Variants in MCFD2 observed in about 807,000 individuals in gnomAD.
The protein encoded by MCFD2 is multiple coagulation factor deficiency protein 2.
MCFD2 carries 11 observed loss-of-function variants against 12.8 expected under a neutral mutation model. That is an observed-to-expected ratio of 0.86 (90% CI 0.54 to 1.42). MCFD2 has a LOEUF of 1.42. MCFD2 is among the 40% of genes most tolerant of loss of function. The pLI is 0.00. For synonymous variants in MCFD2, 70 were observed against 68.1 expected, an observed-to-expected ratio of 1.03 and a Z score of -0.14; for missense variants, 191 against 178.6, an observed-to-expected ratio of 1.07 and a Z score of -0.40.
chr2:46,916,653 T>C (rs1668806551), upstream of MCFD2: 2 of 157,692 alleles, frequency 1.3e-5, no homozygotes, highest in South Asian at 3.7e-4. Context: ...TTGTTTTGTT[T>C]TGAGACGGAG....
intron 1 of MCFD2, among the ~76,000 whole-genome samples, chr2:46,933,694 A>G (rs1292247330): frequency 6.6e-6 from 1 of 152,244 alleles, no homozygotes; most frequent in Non-Finnish European, 1.5e-5. Flanking sequence ...ATGACTACAT[A>G]AAGTTGGGAA....
At chr2:46,925,460 A>AGGTT (rs1444022953) in intron 1 of MCFD2, among the ~76,000 whole-genome samples, 2 of 152,182 alleles carry the variant, frequency 1.3e-5, no homozygotes, top group Non-Finnish European at 2.9e-5. Context: ...TGGGAGGCTG[A>AGGTT]GGCAGGAGAA....
intron 1 of MCFD2, among the ~76,000 whole-genome samples, chr2:46,926,522 G>A (rs899074779): frequency 2.0e-5 from 3 of 152,200 alleles, no homozygotes; most frequent in African/African-American, 4.8e-5. Context: ...GAATAGATGA[G>A]CCTTCTCATG....
At chr2:46,920,128 A>T (rs1466705655), upstream of MCFD2, among the ~76,000 whole-genome samples, 1 of 152,140 alleles carries the variant, frequency 6.6e-6, no homozygotes, top group Non-Finnish European at 1.5e-5. Flanking sequence ...TCCTAATGAA[A>T]AGTCTGACTG....
rs1351339543 is a variant in MCFD2, at chr2:46,907,350, G to C, written c.309+460C>G. On this transcript the variant is annotated intron_variant, in intron 3 of 3. Transcript: ENST00000319466. This position sits in a 1 kb window ranked among gnomAD's most constrained non-coding sequence, Gnocchi z 4.1. ...GTTGGACAGAAAGAGGCAGAACACA[G>C]AAGAGAAAGAAGCAGCAGCACCTTT... 1 of 206,254 alleles carries C rather than the reference G, an allele frequency of 4.8e-6. No homozygotes were observed. Among genetic ancestry groups the C allele is most frequent in the African/African-American group, 2.4e-5 (1 of 42,480 alleles). The allele number at this position is 206,254 out of a possible 1,614,324, so 12.8% of individuals were successfully genotyped here.
intron 1 of MCFD2, among the ~76,000 whole-genome samples, chr2:46,923,277 C>A (rs778920379): frequency 6.6e-6 from 1 of 152,240 alleles, no homozygotes; most frequent in Non-Finnish European, 1.5e-5. Context: ...GCCCCTCTCT[C>A]CTCCCTGGAG....
At chr2:46,911,349 A>C (rs895191005) in intron 1 of MCFD2, among the ~76,000 whole-genome samples, 5 of 151,614 alleles carry the variant, frequency 3.3e-5, no homozygotes, top group Non-Finnish European at 7.4e-5. Flanking sequence ...GCTGATCTCG[A>C]ACTCCAGACC....
rs1461767960 is a variant in MCFD2, at chr2:46,903,960, G to C, written c.*1503C>G. 1 of 152,174 alleles carries C rather than the reference G, an allele frequency of 6.6e-6. No homozygotes were observed. The highest frequency in any genetic ancestry group is 2.1e-4 in the South Asian group (1 of 4,830). The allele number at this position is 152,174 out of a possible 1,614,324, so 9.4% of individuals were successfully genotyped here. A position where few individuals can be genotyped will look rare whatever the true frequency, so the allele number is the denominator to read the frequency against. ...AATGTCTCCAGGCCATGTCAGGGCA[G>C]CCCCTGACATGTGTGTGCAGCCTAG... is the stretch of plus-strand genomic sequence containing the variant. On this transcript the variant is annotated 3_prime_UTR_variant, in exon 4 of 4. Coordinates refer to ENST00000319466, the MANE Select transcript of MCFD2 (RefSeq NM_139279.6).
chr2:46,915,831 C>T, upstream of MCFD2: 1 of 646,750 alleles, frequency 1.5e-6, no homozygotes, highest in Non-Finnish European at 1.9e-6. Context: ...CCCCCCCGAC[C>T]TGCCCTGCGC....
intron 1 of MCFD2, among the ~76,000 whole-genome samples, chr2:46,930,210 T>G (rs1669619000): frequency 6.6e-6 from 1 of 152,146 alleles, no homozygotes; most frequent in Non-Finnish European, 1.5e-5. Context: ...AGAGGATCAT[T>G]ATAAACAAAA....
At chr2:46,905,698 A>T (rs1264084929) in intron 3 of MCFD2, 104 bp from the exon 4 acceptor site, 1 of 778,862 alleles carries the variant, frequency 1.3e-6, no homozygotes, top group Non-Finnish European at 1.8e-6. Context: ...TGTTTATTAA[A>T]AAAAAAAAAA....
At position 46,904,291 on chromosome 2, in the gene MCFD2, G is replaced by C. The variant is rs1668128669; in HGVS notation, c.*1172C>G. 1 of 152,414 alleles carries C rather than the reference G, an allele frequency of 6.6e-6. No individual in the cohort carries two copies. Among genetic ancestry groups the C allele is most frequent in the Non-Finnish European group, 1.5e-5 (1 of 68,192 alleles). 9.4% of individuals were successfully genotyped at this position (152,414 alleles called of 1,614,324 possible). ...AATGTGGTGTGGGAGCCCCCACACA[G>C]AGTCCCTACTGGGGCACTGCCTAGT... On this transcript the variant is annotated 3_prime_UTR_variant, in exon 4 of 4. Coordinates refer to ENST00000319466, the MANE Select transcript of MCFD2 (RefSeq NM_139279.6).
upstream of MCFD2, chr2:46,917,232 C>G: frequency 1.4e-6 from 1 of 696,534 alleles, no homozygotes; most frequent in Non-Finnish European, 2.6e-6. Flanking sequence ...TGGGTTCAAG[C>G]AATCCTCCCA....
Position 46,941,483 on chromosome 2 carries a change from C to G in MCFD2, c.-8+89G>C. Reference sequence around the variant, plus strand: ...CGCGAGTGCGCCCCAGCCAGGACGCCGCCCCCGGCCGGGTCTCCACTTCTT... The same window carrying G: ...CGCGAGTGCGCCCCAGCCAGGACGCGGCCCCCGGCCGGGTCTCCACTTCTT... On this transcript the variant is annotated intron_variant, in intron 1 of 2. Transcript: ENST00000409147. The surrounding 1 kb of genome is among the most constrained non-coding windows in gnomAD (Gnocchi z 4.2). 1 of 1,519,414 alleles carries G rather than the reference C, an allele frequency of 6.6e-7. No homozygotes were observed. The highest frequency in any genetic ancestry group is 8.8e-7 in the Non-Finnish European group (1 of 1,131,476). The allele number at this position is 1,519,414 out of a possible 1,614,324, so 94.1% of individuals were successfully genotyped here.
At position 46,941,067 on chromosome 2, in the gene MCFD2, C is replaced by A; in HGVS notation, c.-8+505G>T. 1 of 150,062 alleles carries A rather than the reference C, an allele frequency of 6.7e-6. No homozygotes were observed. Among genetic ancestry groups the A allele is most frequent in the South Asian group, 1.8e-4 (1 of 5,514 alleles). 9.3% of individuals were successfully genotyped at this position (150,062 alleles called of 1,614,324 possible). A position where few individuals can be genotyped will look rare whatever the true frequency, so the allele number is the denominator to read the frequency against. ...GGGGCGGCGGCGGGGGGCGGGTACC[C>A]GGGCGGCCGCGAGCGCCCTTCGCGC... On this transcript the variant is annotated intron_variant, in intron 1 of 2. Transcript: ENST00000409147. This position sits in a 1 kb window ranked among gnomAD's most constrained non-coding sequence, Gnocchi z 4.2.
intron 1 of MCFD2, among the ~76,000 whole-genome samples, chr2:46,914,716 C>G (rs1359990903): frequency 6.6e-6 from 1 of 152,084 alleles, no homozygotes; most frequent in Non-Finnish European, 1.5e-5. Flanking sequence ...TGGGGTACCA[C>G]GAAATCCCCA....
Position 46,905,234 on chromosome 2 carries a change from A to C in MCFD2, c.*229T>G. 1.8e-6 allele frequency: 1 copy of C among 545,588 alleles called. No homozygotes were observed. Among genetic ancestry groups the C allele is most frequent in the Non-Finnish European group, 3.3e-6 (1 of 299,372 alleles). 33.8% of individuals were successfully genotyped at this position (545,588 alleles called of 1,614,324 possible). A position where few individuals can be genotyped will look rare whatever the true frequency, so the allele number is the denominator to read the frequency against. ...CAGACTAATACAGATGCTTGAAGCA[A>C]GCCCTTGTCCAATAAGGTATTTAAT... On this transcript the variant is annotated 3_prime_UTR_variant, in exon 4 of 4. Transcript: ENST00000319466.
chr2:46,919,658 C>G (rs903747115), upstream of MCFD2, among the ~76,000 whole-genome samples: 6 of 152,210 alleles, frequency 3.9e-5, no homozygotes, highest in Non-Finnish European at 7.3e-5. Flanking sequence ...TAACAACAGT[C>G]TCTTGCTGTT....
At chr2:46,916,135 G>A, upstream of MCFD2, 1 of 985,530 alleles carries the variant, frequency 1.0e-6, no homozygotes, top group Non-Finnish European at 1.2e-6. Flanking sequence ...CCCCAAAGCT[G>A]GCTCCCAACT....
Sources: gnomAD v4.1 joint callset for allele counts (sites outside exome capture counted in the v4.1 genomes callset) on GRCh38, gnomAD v4.1.1 for gene constraint, Gnocchi (gnomAD v3.1) non-coding constraint, MANE v1.5 for transcripts, NCBI Gene and HGNC (gene_info 2026-07-23, HGNC 2026-07-21) for gene names.